The following CAPN8 variants were observed in gnomAD, a reference collection of about 807,000 sequenced individuals.
The protein encoded by CAPN8 is calpain 8.
In CAPN8, 87 loss-of-function variants were observed where a neutral mutation model predicts 80.9. The ratio of observed to expected loss-of-function variants is 1.07; its 90% CI spans 0.90 to 1.28. CAPN8 has a LOEUF of 1.28. Among genes scored for constraint, CAPN8 ranks in the 50% most tolerant of loss-of-function variants. The probability of loss-of-function intolerance (pLI) is 0.00; values close to 1 mark genes in which losing one functional copy is unlikely to be tolerated. For missense variants in CAPN8, 757 were observed against 702.0 expected (o/e 1.08, Z -0.89); for synonymous variants, 299 against 273.8 (o/e 1.09, Z -0.91).
intron 5 of CAPN8, among the ~76,000 whole-genome samples, chr1:223,626,598 C>G (rs1018163867): frequency 3.3e-5 from 5 of 152,180 alleles, no homozygotes; most frequent in African/African-American, 1.2e-4. Context: ...TCAGGGATCT[C>G]AAGATCCATC....
At chr1:223,642,813 C>G (rs1436301660) in intron 2 of CAPN8, 4 of 456,212 alleles carry the variant, frequency 8.8e-6, no homozygotes, top group South Asian at 3.1e-5. Context: ...CCCACCAGGC[C>G]AATTCTCATC....
chr1:223,553,228 C>T (rs1351421443), intron 14 of CAPN8, among the ~76,000 whole-genome samples: 6 of 152,142 alleles, frequency 3.9e-5, no homozygotes, highest in African/African-American at 1.4e-4. Flanking sequence ...TGGCCCCCAC[C>T]GGGCTGCTAC....
At chr1:223,643,105 C>A (rs986606171) in intron 2 of CAPN8, among the ~76,000 whole-genome samples, 2 of 152,096 alleles carry the variant, frequency 1.3e-5, no homozygotes, top group Non-Finnish European at 2.9e-5. Context: ...AAAAATAAGA[C>A]AAAAATGCTA....
In CAPN8 at chr1:223,619,169, G is replaced by A. The variant is rs1257359850; in HGVS notation, c.1135+124C>T. On this transcript the variant is annotated intron_variant, in intron 9 of 20. Transcript: ENST00000366872. ...AGATCGTGCCACTACACTCCAACCT[G>A]GGGAACAGAGCAAGGCCCTGTCTCA... The A allele has an allele frequency of 2.6e-6, 3 of 1,162,448 alleles. No homozygotes were observed. The African/African-American group carries it at 4.6e-5, about 18-fold the overall frequency. The allele number at this position is 1,162,448 out of a possible 1,614,324, so 72.0% of individuals were successfully genotyped here. A position where few individuals can be genotyped will look rare whatever the true frequency, so the allele number is the denominator to read the frequency against.
intron 2 of CAPN8, among the ~76,000 whole-genome samples, chr1:223,643,047 G>C (rs1658085314): frequency 6.6e-6 from 1 of 152,250 alleles, no homozygotes; most frequent in South Asian, 2.1e-4. Flanking sequence ...CGTGTTTCAA[G>C]GGAAAGCGGC....
At chr1:223,628,186 T>C (rs759817967) in intron 3 of CAPN8, 44 bp from the exon 4 acceptor site, 1 of 1,511,990 alleles carries the variant, frequency 6.6e-7, no homozygotes, top group Non-Finnish European at 8.9e-7. Context: ...AATAAGCAGA[T>C]GTGTAAAGGG....
intron 14 of CAPN8, among the ~76,000 whole-genome samples, chr1:223,551,961 A>G (rs1656797870): frequency 6.6e-6 from 1 of 152,204 alleles, no homozygotes; most frequent in Non-Finnish European, 1.5e-5. Flanking sequence ...TTCTGTGTGC[A>G]TCTGGGATAA....
intron 11 of CAPN8, among the ~76,000 whole-genome samples, chr1:223,610,198 C>A (rs1656996797): frequency 6.6e-6 from 1 of 152,248 alleles, no homozygotes; most frequent in Non-Finnish European, 1.5e-5. Context: ...GGGCTGTTAA[C>A]TTCTGTGTGA....
At chr1:223,549,666 CT>C (rs927032091) in intron 15 of CAPN8, 4 of 538,560 alleles carry the variant, frequency 7.4e-6, no homozygotes, top group African/African-American at 3.8e-5. Flanking sequence ...TATCTTTGAG[CT>C]TTAATTTCCT....
At chr1:223,638,077 A>G (rs1657952363) in intron 2 of CAPN8, among the ~76,000 whole-genome samples, 4 of 152,136 alleles carry the variant, frequency 2.6e-5, no homozygotes, top group Admixed American at 2.6e-4. Context: ...CAGGTTGAAA[A>G]TATTTGAAAA....
Position 223,647,164 on chromosome 1 carries a change from A to G in CAPN8, c.307+7166T>C, listed in dbSNP as rs541874665. On this transcript the variant is annotated intron_variant, in intron 2 of 20. Coordinates refer to ENST00000366872, the MANE Select transcript of CAPN8 (RefSeq NM_001143962.2). Reference sequence around the variant, plus strand: ...GACAAAATTATCTTCTGGCAAAAAGAAGTCTCCCCTGGTGGAAGGAGCCCA... The same window carrying G: ...GACAAAATTATCTTCTGGCAAAAAGGAGTCTCCCCTGGTGGAAGGAGCCCA... Among the ~76,000 whole-genome samples the G allele has an allele frequency of 2.0e-5, 3 of 152,306 alleles. No homozygotes were observed. In the East Asian group the frequency reaches 5.8e-4, roughly 29 times the overall value.
intron 1 of CAPN8, among the ~76,000 whole-genome samples, chr1:223,660,722 C>T (rs1195642055): frequency 6.6e-6 from 1 of 152,162 alleles, no homozygotes; most frequent in Admixed American, 6.5e-5. Context: ...ATCTGCTTTC[C>T]CCCAAAGGGC....
intron 1 of CAPN8, among the ~76,000 whole-genome samples, chr1:223,661,279 G>T (rs1490643519): frequency 6.6e-6 from 1 of 152,036 alleles, no homozygotes. Context: ...TTGGGGAAAT[G>T]CAAATCAAAA....
intron 9 of CAPN8, chr1:223,617,871 A>T (rs1307070841): frequency 5.4e-6 from 1 of 186,328 alleles, no homozygotes; most frequent in South Asian, 1.5e-4. Flanking sequence ...AGTCTAAATC[A>T]AGCAACAAGG....
rs116911403 is a variant in CAPN8 at position 223,648,870 on chromosome 1, G to A, written c.307+5460C>T. 2.6e-5 allele frequency among the ~76,000 whole-genome samples: 4 copies of A among 152,276 alleles called. No homozygotes were observed. The East Asian group carries it at 7.7e-4, about 29-fold the overall frequency. ...ACAAACACACGGAGTATAAGACAGA[G>A]TGAAAAATAGATGGGGAAGGCAGGA... On this transcript the variant is annotated intron_variant, in intron 2 of 20. Transcript: ENST00000366872.
In CAPN8 at chr1:223,541,849, C is replaced by T. The variant is rs1656471907; in HGVS notation, c.2099G>A (p.Cys700Tyr). The T allele has an allele frequency of 6.5e-7, 1 of 1,549,982 alleles. No homozygotes were observed. Among genetic ancestry groups the T allele is most frequent in the Non-Finnish European group, 8.7e-7 (1 of 1,146,700 alleles). Residue 700 changes from cysteine to tyrosine, a missense_variant, in exon 21 of 21, where the codon TGC becomes TAC. Physicochemically the swap from Cys to Tyr is radical, Grantham distance 194. Transcript: ENST00000366872. The stretch of plus-strand genomic sequence containing the variant: ...CGAAACCCCGGGTCAGACCAACACG[C>T]AGCACAGCCACTGCAAAGGAAAGGG... ...VQLSLAEWLC[C>Y]VLV
Position 223,627,134 on chromosome 1 carries a change from A to T in CAPN8, c.584T>A (p.Leu195His). The T allele has an allele frequency of 6.4e-7, 1 of 1,552,412 alleles. No homozygotes were observed. Among genetic ancestry groups the T allele is most frequent in the Non-Finnish European group, 8.7e-7 (1 of 1,147,142 alleles). ...CCCCTCCACTGTGGAACCTCCAGCG[A>T]GAGCCTCATAACAACCATTAAGCCT... is the stretch of plus-strand genomic sequence containing the variant. Reference protein sequence around the residue: ...YAKLNGCYEALAGGSTVEGFE... With the variant: ...YAKLNGCYEAHAGGSTVEGFE... The change falls in exon 5 of 21, where the codon CTC (leucine) becomes CAC (histidine). Residue 195 changes from leucine (L) to histidine (H), a missense_variant. Coordinates refer to ENST00000366872, the MANE Select transcript of CAPN8 (RefSeq NM_001143962.2).
intron 2 of CAPN8, among the ~76,000 whole-genome samples, chr1:223,637,307 C>T (rs1657923547): frequency 6.6e-6 from 1 of 152,166 alleles, no homozygotes; most frequent in African/African-American, 2.4e-5. Context: ...AGCCACACTC[C>T]ACCTCTGCCC....
chr1:223,664,617 T>A (rs181821406), intron 1 of CAPN8, among the ~76,000 whole-genome samples: 1 of 152,304 alleles, frequency 6.6e-6, no homozygotes, highest in African/African-American at 2.4e-5. Context: ...TCATCCATGC[T>A]CTTCTCTCTA....
Sources: gnomAD v4.1 joint callset for allele counts (sites outside exome capture counted in the v4.1 genomes callset) on GRCh38, gnomAD v4.1.1 for gene constraint, MANE v1.5 for transcripts, NCBI Gene and HGNC (gene_info 2026-07-23, HGNC 2026-07-21) for gene names.